FARSB: variants seen among roughly 807,000 people sequenced by gnomAD.
FARSB encodes the protein phenylalanine--tRNA ligase beta subunit.
Under a neutral mutation model 69.6 loss-of-function variants are expected in FARSB, and 40 were observed. The ratio of observed to expected loss-of-function variants is 0.57; its 90% CI spans 0.45 to 0.75. The LOEUF (loss-of-function observed/expected upper bound fraction) is 0.75, where lower values mean the gene tolerates loss of function less well. Among genes scored for constraint, FARSB ranks in the 30% least tolerant of loss-of-function variants. The probability of loss-of-function intolerance (pLI) is 0.00; values close to 1 mark genes in which losing one functional copy is unlikely to be tolerated. For missense variants in FARSB, 632 were observed against 722.9 expected, an observed-to-expected ratio of 0.87 and a Z score of 1.44; for synonymous variants, 235 against 247.2, an observed-to-expected ratio of 0.95 and a Z score of 0.46.
chr2:222,616,214 TAGATTAAC>T (rs375854777), intron 14 of FARSB, among the ~76,000 whole-genome samples: 8 of 152,176 alleles, frequency 5.3e-5, no homozygotes, highest in African/African-American at 1.7e-4. Context: ...GTGCAAGTTG[TAGATTAAC>T]AGAGACATGA....
chr2:222,630,022 T>C lies in FARSB; in HGVS notation c.848+91A>G, dbSNP rs1301533927. The C allele has an allele frequency of 2.1e-5, 16 of 778,068 alleles. No homozygotes were observed. In the Admixed American group the frequency reaches 3.8e-4, roughly 18 times the overall value. 48.2% of individuals were successfully genotyped at this position (778,068 alleles called of 1,614,324 possible). ...TCCCAAAGTGCTGGGATTATAGGTG[T>C]GAGCCACCGCACCTGGCCTATCTTT... On this transcript the variant is annotated intron_variant, in intron 9 of 16. Transcript: ENST00000281828.
At chr2:222,588,003 T>A (rs1378766194) in intron 16 of FARSB, among the ~76,000 whole-genome samples, 1 of 152,192 alleles carries the variant, frequency 6.6e-6, no homozygotes, top group East Asian at 1.9e-4. Flanking sequence ...CCCTAACTCA[T>A]TTTATGGGGC....
At chr2:222,624,673 T>A (rs1691221782) in intron 11 of FARSB, 41 bp downstream of exon 11, 1 of 1,363,664 alleles carries the variant, frequency 7.3e-7, no homozygotes, top group Admixed American at 1.9e-5. Flanking sequence ...TAGTCATACG[T>A]GTACTTTGTT....
chr2:222,575,621 C>G (rs141424587), intron 16 of FARSB, among the ~76,000 whole-genome samples: 1 of 152,224 alleles, frequency 6.6e-6, no homozygotes, highest in African/African-American at 2.4e-5. Context: ...TCACAGTAAA[C>G]GGCTTCCAAC....
In FARSB at chr2:222,567,315, G is replaced by A. The variant is rs1392242791; in HGVS notation, c.*4556C>T. 1 of 152,216 alleles carries A rather than the reference G, an allele frequency of 6.6e-6. No homozygotes were observed. The highest frequency in any genetic ancestry group is 1.5e-5 in the Non-Finnish European group (1 of 68,046). The allele number at this position is 152,216 out of a possible 1,614,324, so 9.4% of individuals were successfully genotyped here. A position where few individuals can be genotyped will look rare whatever the true frequency, so the allele number is the denominator to read the frequency against. ...GAACTTGGATATCAGATGGGTCAAAGGCTTTCAATGCTTAGGAGGCATATT... is the reference window on the plus strand; with the variant it reads ...GAACTTGGATATCAGATGGGTCAAAAGCTTTCAATGCTTAGGAGGCATATT... On this transcript the variant is annotated 3_prime_UTR_variant, in exon 17 of 17. Coordinates refer to ENST00000281828, the MANE Select transcript of FARSB (RefSeq NM_005687.5).
At chr2:222,649,044 C>G (rs189785456) in intron 1 of FARSB, among the ~76,000 whole-genome samples, 34 of 151,592 alleles carry the variant, frequency 2.2e-4, no homozygotes, top group South Asian at 4.2e-4. Context: ...CTGGCCAACA[C>G]GGTGAAACCC....
chr2:222,639,513 A>G, intron 5 of FARSB, 67 bp downstream of exon 5: 2 of 650,144 alleles, frequency 3.1e-6, no homozygotes, highest in Non-Finnish European at 5.5e-6. Flanking sequence ...AGGGATCAGG[A>G]TGGAAAGGAG....
chr2:222,616,993 T>TAATGCA lies in FARSB; in HGVS notation c.1344+2651_1344+2652insTGCATT, dbSNP rs1406424603. On this transcript the variant is annotated intron_variant, in intron 14 of 16. Coordinates refer to ENST00000281828, the MANE Select transcript of FARSB (RefSeq NM_005687.5). ...ATGCAGAAAGATTGATTCTTTTTTT[T>TAATGCA]TTTTTTTTTTTTTTTTTTGAGACGG... is the stretch of plus-strand genomic sequence containing the variant. Among the ~76,000 whole-genome samples the TAATGCA allele has an allele frequency of 6.0e-3, 137 of 22,746 alleles. 36 individuals are homozygous for TAATGCA. The Middle Eastern group carries it at 0.18, about 30-fold the overall frequency. 14.9% of individuals were successfully genotyped at this position (22,746 alleles called of 152,430 possible).
chr2:222,577,825 T>C (rs966214134), intron 16 of FARSB, among the ~76,000 whole-genome samples: 3 of 152,216 alleles, frequency 2.0e-5, no homozygotes, highest in African/African-American at 7.2e-5. Context: ...TATGAAACAT[T>C]TAGTTAATTA....
chr2:222,654,465 A>C (rs1202955605), intron 1 of FARSB, among the ~76,000 whole-genome samples: 1 of 152,238 alleles, frequency 6.6e-6, no homozygotes, highest in Non-Finnish European at 1.5e-5. Flanking sequence ...AAATATCCCA[A>C]AATCCAAAAT....
rs1436946762 is a variant in FARSB, at chr2:222,571,421, A to T, written c.*450T>A. On this transcript the variant is annotated 3_prime_UTR_variant, in exon 17 of 17. Transcript: ENST00000281828. The stretch of plus-strand genomic sequence containing the variant: ...ATTTTAGTGTTTCTCAATGATGAAT[A>T]CATGTCAAATGTAGAAAATCAAAGC... 6.6e-6 allele frequency: 1 copy of T among 152,514 alleles called. No individual in the cohort carries two copies. The highest frequency in any genetic ancestry group is 1.5e-5 in the Non-Finnish European group (1 of 68,306). The allele number at this position is 152,514 out of a possible 1,614,324, so 9.4% of individuals were successfully genotyped here.
rs146186962 is a variant in FARSB at position 222,656,075 on chromosome 2, G to T, written c.-2C>A. 1.4e-4 allele frequency: 223 copies of T among 1,594,536 alleles called. No homozygotes were observed. The African/African-American group carries it at 2.7e-3, about 19-fold the overall frequency. ...ACGCTTCACGCTGACAGTCGGCATG[G>T]TGTGTCGAACTCACTGCGCCTGCGC... On this transcript the variant is annotated 5_prime_UTR_variant, in exon 1 of 17. Transcript: ENST00000281828.
In FARSB at chr2:222,590,128, A is replaced by G. The variant is rs1690225549; in HGVS notation, c.1618+9800T>C. Among the ~76,000 whole-genome samples, 6 of 152,308 alleles carry G rather than the reference A, an allele frequency of 3.9e-5. No individual in the cohort carries two copies. The South Asian group carries it at 1.2e-3, about 32-fold the overall frequency. ...TTGGAACCAACCCAAATGTCCATCA[A>G]TGATAGACTGGATTAAGAAAATGTG... On this transcript the variant is annotated intron_variant, in intron 16 of 16. Transcript: ENST00000281828.
intron 14 of FARSB, among the ~76,000 whole-genome samples, chr2:222,614,783 A>G (rs1574933173): frequency 1.3e-5 from 2 of 152,126 alleles, no homozygotes; most frequent in South Asian, 4.1e-4. Context: ...AGGTTACAAT[A>G]AGCTATAATC....
chr2:222,588,948 T>C (rs1312687963), intron 16 of FARSB, among the ~76,000 whole-genome samples: 1 of 152,158 alleles, frequency 6.6e-6, no homozygotes, highest in Non-Finnish European at 1.5e-5. Flanking sequence ...AGGTAATTTA[T>C]AGATTCAATG....
intron 10 of FARSB, among the ~76,000 whole-genome samples, chr2:222,625,532 G>A (rs1331346831): frequency 6.6e-6 from 1 of 152,226 alleles, no homozygotes; most frequent in Non-Finnish European, 1.5e-5. Flanking sequence ...GAGTGCTCGT[G>A]AGAAAGGCTG....
At chr2:222,591,503 A>G (rs1574917239) in intron 16 of FARSB, among the ~76,000 whole-genome samples, 1 of 152,212 alleles carries the variant, frequency 6.6e-6, no homozygotes, top group African/African-American at 2.4e-5. Context: ...TATTGCTACA[A>G]TCTTAGTACT....
chr2:222,606,242 A>C (rs1249656667), intron 15 of FARSB, among the ~76,000 whole-genome samples: 1 of 152,160 alleles, frequency 6.6e-6, no homozygotes, highest in Non-Finnish European at 1.5e-5. Context: ...CTGTAGCTGA[A>C]CTGAATCAAA....
At chr2:222,631,360 A>T (rs189500080) in intron 8 of FARSB, among the ~76,000 whole-genome samples, 3 of 152,358 alleles carry the variant, frequency 2.0e-5, no homozygotes, top group Admixed American at 6.5e-5. Context: ...GTGAAGAGAC[A>T]TGTAACTCAT....
Sources: allele counts gnomAD v4.1 joint callset (sites outside exome capture counted in the v4.1 genomes callset), GRCh38; gene constraint gnomAD v4.1.1; transcripts MANE v1.5; gene names NCBI Gene and HGNC (gene_info 2026-07-23, HGNC 2026-07-21).